The following MAP3K7CL variants were observed in gnomAD, a reference collection of about 807,000 sequenced individuals.
The protein encoded by MAP3K7CL is MAP3K7 C-terminal-like protein.
MAP3K7CL carries 16 observed loss-of-function variants against 18.6 expected under a neutral mutation model. The observed-to-expected ratio is 0.86, with a 90% confidence interval of 0.58 to 1.31. The LOEUF (loss-of-function observed/expected upper bound fraction) is 1.31, where lower values mean the gene tolerates loss of function less well. Ranked by LOEUF, MAP3K7CL falls within the 50% of genes most tolerant of loss-of-function variation. The probability of loss-of-function intolerance (pLI) is 0.00; values close to 1 mark genes in which losing one functional copy is unlikely to be tolerated. For missense variants in MAP3K7CL, 163 were observed against 174.4 expected (o/e 0.93, Z 0.37); for synonymous variants, 65 against 66.8 (o/e 0.97, Z 0.13).
intron 1 of MAP3K7CL, chr21:29,091,479 C>G: frequency 1.5e-6 from 1 of 659,016 alleles, no homozygotes; most frequent in Non-Finnish European, 2.7e-6. Flanking sequence ...TTCTTTTTTT[C>G]TTTTTTATTT....
At chr21:29,142,804 A>G (rs1445979390) in intron 2 of MAP3K7CL, among the ~76,000 whole-genome samples, 1 of 152,182 alleles carries the variant, frequency 6.6e-6, no homozygotes, top group Non-Finnish European at 1.5e-5. Flanking sequence ...TACCCTTCCC[A>G]TTTTGCAGAG....
chr21:29,121,381 C>T (rs1464375477), intron 4 of MAP3K7CL, among the ~76,000 whole-genome samples: 2 of 152,092 alleles, frequency 1.3e-5, no homozygotes, highest in Non-Finnish European at 2.9e-5. Context: ...TCAGTTGTGC[C>T]TTTGGTAAAT....
intron 4 of MAP3K7CL, among the ~76,000 whole-genome samples, chr21:29,116,811 T>G (rs920064461): frequency 2.0e-5 from 3 of 152,182 alleles, no homozygotes; most frequent in African/African-American, 7.2e-5. Context: ...TCATTCAGGG[T>G]GTGAATCAGC....
chr21:29,135,843 C>G (rs1408275955), intron 2 of MAP3K7CL, among the ~76,000 whole-genome samples: 1 of 151,900 alleles, frequency 6.6e-6, no homozygotes, highest in African/African-American at 2.4e-5. Flanking sequence ...TTATTCCTAC[C>G]CTCTAGCCCC....
intron 4 of MAP3K7CL, among the ~76,000 whole-genome samples, chr21:29,162,079 T>C (rs1441496884): frequency 6.6e-6 from 1 of 152,148 alleles, no homozygotes; most frequent in Non-Finnish European, 1.5e-5. Flanking sequence ...TTACACACAG[T>C]TGGAGTCCTA....
chr21:29,079,554 C>T (rs1376793569), intron 1 of MAP3K7CL, among the ~76,000 whole-genome samples: 1 of 152,222 alleles, frequency 6.6e-6, no homozygotes, highest in Non-Finnish European at 1.5e-5. Context: ...TGCTTTGCCA[C>T]AAAAAGCCCC....
chr21:29,163,366 T>C (rs1451960020), intron 4 of MAP3K7CL, among the ~76,000 whole-genome samples: 1 of 152,226 alleles, frequency 6.6e-6, no homozygotes, highest in Non-Finnish European at 1.5e-5. Flanking sequence ...ATATATATTT[T>C]CTTTTTCGTA....
upstream of MAP3K7CL, among the ~76,000 whole-genome samples, chr21:29,127,114 ACGTATTGAGTTGTACTGAG>A (rs2086694715): frequency 6.6e-6 from 1 of 152,186 alleles, no homozygotes; most frequent in Admixed American, 6.5e-5. Context: ...CAAGCTACAT[ACGTATTGAGTTGTACTGAG>A]AAATTGATAT....
rs1182120235 is a variant in MAP3K7CL, at chr21:29,119,031, T to C, written c.370+26450T>C. On this transcript the variant is annotated intron_variant, in intron 4 of 6. Coordinates refer to the MAP3K7CL transcript ENST00000286791. ...TGTGTTTGCATGACTATTTCTTGCTTTTACCAGTCTCGGCCATTATCTATT... is the reference window on the plus strand; with the variant it reads ...TGTGTTTGCATGACTATTTCTTGCTCTTACCAGTCTCGGCCATTATCTATT... Among the ~76,000 whole-genome samples, 3 of 152,312 alleles carry C rather than the reference T, an allele frequency of 2.0e-5. No homozygotes were observed. In the East Asian group the frequency reaches 5.8e-4, roughly 29 times the overall value.
At chr21:29,112,346 G>C (rs994390949) in intron 4 of MAP3K7CL, among the ~76,000 whole-genome samples, 1 of 151,976 alleles carries the variant, frequency 6.6e-6, no homozygotes, top group African/African-American at 2.4e-5. Flanking sequence ...TTTCATTATA[G>C]TTTTTGGAAG....
At chr21:29,117,389 C>A (rs2086520762) in intron 4 of MAP3K7CL, among the ~76,000 whole-genome samples, 2 of 152,188 alleles carry the variant, frequency 1.3e-5, no homozygotes, top group Admixed American at 6.5e-5. Flanking sequence ...TACTGTAATT[C>A]TTAAAATGTA....
At chr21:29,162,667 G>A (rs1463970211) in intron 4 of MAP3K7CL, among the ~76,000 whole-genome samples, 2 of 139,884 alleles carry the variant, frequency 1.4e-5, no homozygotes, top group Non-Finnish European at 3.1e-5. Context: ...TGGGCAACAA[G>A]AGCAAAACTC....
chr21:29,091,715 T>G (rs1377097192), exon 3 of MAP3K7CL: 1 of 702,516 alleles, frequency 1.4e-6, no homozygotes, highest in South Asian at 1.5e-5. Flanking sequence ...ACACCTGGCT[T>G]CAAGCAGTCC....
At chr21:29,096,687 A>G (rs1387988217) in intron 4 of MAP3K7CL, among the ~76,000 whole-genome samples, 1 of 152,234 alleles carries the variant, frequency 6.6e-6, no homozygotes, top group Admixed American at 6.5e-5. Context: ...TACAGGTGCC[A>G]GAAGCCAACT....
Position 29,141,550 on chromosome 21 carries a change from A to G in MAP3K7CL, c.71-7639A>G, listed in dbSNP as rs528934479. On this transcript the variant is annotated intron_variant, in intron 2 of 4. Transcript: ENST00000399928. ...AAAAAAAAGAGAGAAATTGTCCTTA[A>G]CTGAATCAAGTCTCTTTTTTGCATA... Among the ~76,000 whole-genome samples, 6 of 152,204 alleles carry G rather than the reference A, an allele frequency of 3.9e-5. No individual in the cohort carries two copies. In the South Asian group the frequency reaches 1.2e-3, roughly 32 times the overall value.
intron 3 of MAP3K7CL, among the ~76,000 whole-genome samples, chr21:29,155,648 C>T (rs770871715): frequency 3.5e-4 from 54 of 152,170 alleles, no homozygotes; most frequent in Non-Finnish European, 7.5e-4. Context: ...TTAAATCGGT[C>T]CTGATAATTG....
At chr21:29,174,622 C>A in intron 4 of MAP3K7CL, 90 bp from the exon 5 acceptor site, 1 of 1,446,238 alleles carries the variant, frequency 6.9e-7, no homozygotes, top group Non-Finnish European at 9.4e-7. Context: ...CAGAATGAAT[C>A]ATTCTACTTC....
intron 4 of MAP3K7CL, among the ~76,000 whole-genome samples, chr21:29,097,932 CTG>C (rs773859014): frequency 2.6e-5 from 4 of 151,780 alleles, no homozygotes; most frequent in Non-Finnish European, 5.9e-5. Context: ...ACTGTTGTGT[CTG>C]TATAATTTGA....
At chr21:29,089,114 G>A (rs1268943321) in intron 1 of MAP3K7CL, among the ~76,000 whole-genome samples, 1 of 140,310 alleles carries the variant, frequency 7.1e-6, no homozygotes, top group Non-Finnish European at 1.5e-5. Context: ...AGGTTGCAGT[G>A]AGCCGAGATC....
Sources: allele counts gnomAD v4.1 joint callset (sites outside exome capture counted in the v4.1 genomes callset), GRCh38; gene constraint gnomAD v4.1.1; transcripts MANE v1.5; gene names NCBI Gene and HGNC (gene_info 2026-07-23, HGNC 2026-07-21).